LRMDA: variants seen among roughly 807,000 people sequenced by gnomAD.
The protein encoded by LRMDA is leucine rich melanocyte differentiation associated.
LRMDA carries 18 observed loss-of-function variants against 29.8 expected under a neutral mutation model. The ratio of observed to expected loss-of-function variants is 0.60; its 90% CI spans 0.42 to 0.90. LRMDA has a LOEUF of 0.90. Among genes scored for constraint, LRMDA ranks in the 40% least tolerant of loss-of-function variants. LRMDA has a pLI of 0.00. For synonymous variants in LRMDA, 125 were observed against 109.4 expected (o/e 1.14, Z -0.89); for missense variants, 273 against 273.9 (o/e 1.00, Z 0.02).
intron 5 of LRMDA, among the ~76,000 whole-genome samples, chr10:76,224,630 T>C (rs1851916139): frequency 6.7e-6 from 1 of 150,078 alleles, no homozygotes; most frequent in Non-Finnish European, 1.5e-5. Flanking sequence ...AGCTGGTCAG[T>C]ATTCTACAGA....
intron 6 of LRMDA, among the ~76,000 whole-genome samples, chr10:76,475,249 A>T (rs899452451): frequency 6.6e-6 from 1 of 151,820 alleles, no homozygotes; most frequent in Admixed American, 6.6e-5. Flanking sequence ...AAATGTTTTC[A>T]GATTGTGGTG....
chr10:76,369,018 G>A (rs1333892209), intron 6 of LRMDA, among the ~76,000 whole-genome samples: 2 of 152,140 alleles, frequency 1.3e-5, no homozygotes, highest in African/African-American at 2.4e-5. Context: ...GTCTCCTGAA[G>A]GCAGCAGATA....
At chr10:76,222,969 A>T (rs576567079) in intron 5 of LRMDA, among the ~76,000 whole-genome samples, 1 of 152,196 alleles carries the variant, frequency 6.6e-6, no homozygotes. Context: ...CTTTGTAGGG[A>T]CATAGATGAA....
At chr10:76,522,331 G>A (rs1843129652) in intron 6 of LRMDA, among the ~76,000 whole-genome samples, 1 of 152,098 alleles carries the variant, frequency 6.6e-6, no homozygotes, top group Admixed American at 6.5e-5. Context: ...GCCTCCACAG[G>A]AAAGCAAAAG....
rs16932646 is a variant in LRMDA at position 75,813,596 on chromosome 10, C to T, written c.132-222412C>T. Among the ~76,000 whole-genome samples the T allele has an allele frequency of 5.6e-3, 847 of 152,160 alleles. 10 individuals are homozygous for T. Among genetic ancestry groups the T allele is most frequent in the African/African-American group, 0.02 (811 of 41,498 alleles). On this transcript the variant is annotated intron_variant, in intron 2 of 6. Transcript: ENST00000611255. ...AGAGAGAGTGATGCTCTTTGGACGA[C>T]GTGGGACAGATACGCGTTACTCCAC...
chr10:75,943,184 C>G (rs1846424096), intron 2 of LRMDA, among the ~76,000 whole-genome samples: 3 of 148,994 alleles, frequency 2.0e-5, no homozygotes, highest in Non-Finnish European at 4.4e-5. Flanking sequence ...AAAAAAAGGA[C>G]TATGAGATAG....
chr10:76,357,136 T>C (rs1400688998), intron 6 of LRMDA, among the ~76,000 whole-genome samples: 1 of 152,212 alleles, frequency 6.6e-6, no homozygotes, highest in Non-Finnish European at 1.5e-5. Flanking sequence ...CCTGCTCCTC[T>C]GTGAAGCCAT....
intron 2 of LRMDA, among the ~76,000 whole-genome samples, chr10:75,688,822 G>A (rs1319613576): frequency 6.6e-6 from 1 of 152,178 alleles, no homozygotes; most frequent in African/African-American, 2.4e-5. Flanking sequence ...TCAGTCAGCA[G>A]CCATCAACAC....
intron 2 of LRMDA, among the ~76,000 whole-genome samples, chr10:75,838,548 T>C (rs952714662): frequency 2.6e-5 from 4 of 152,090 alleles, no homozygotes; most frequent in Non-Finnish European, 4.4e-5. Context: ...AGACTGTGAG[T>C]TCAGGTTTTT....
intron 2 of LRMDA, among the ~76,000 whole-genome samples, chr10:75,518,968 A>T (rs1158082080): frequency 6.6e-6 from 1 of 152,192 alleles, no homozygotes; most frequent in Non-Finnish European, 1.5e-5. Flanking sequence ...TTTACCCAGT[A>T]GTCATTCAGG....
intron 5 of LRMDA, among the ~76,000 whole-genome samples, chr10:76,198,804 C>T (rs1851376849): frequency 6.6e-6 from 1 of 152,112 alleles, no homozygotes; most frequent in Non-Finnish European, 1.5e-5. Flanking sequence ...GAGTGTATTT[C>T]TTTAAAGTGA....
chr10:75,605,235 T>A lies in LRMDA; in HGVS notation c.131+166741T>A, dbSNP rs74147134. ...TCTCCAAGTTTGATTATGAGTGGCT[T>A]CTTTATGAGAGTCCTTTCTTCCTGA... On this transcript the variant is annotated intron_variant, in intron 2 of 6. Transcript: ENST00000611255. 2.6e-3 allele frequency among the ~76,000 whole-genome samples: 396 copies of A among 152,334 alleles called. 4 individuals are homozygous for A. In the South Asian group the frequency reaches 0.03, roughly 12 times the overall value.
At chr10:75,690,674 T>C (rs1842133565) in intron 2 of LRMDA, among the ~76,000 whole-genome samples, 1 of 151,952 alleles carries the variant, frequency 6.6e-6, no homozygotes, top group Non-Finnish European at 1.5e-5. Flanking sequence ...ATATATCTTT[T>C]TGGCTGAACA....
intron 2 of LRMDA, among the ~76,000 whole-genome samples, chr10:76,014,271 A>G (rs1266621435): frequency 6.6e-6 from 1 of 151,016 alleles, no homozygotes; most frequent in Non-Finnish European, 1.5e-5. Flanking sequence ...AAATCCTAAT[A>G]TATTTACTAT....
chr10:75,547,653 T>C (rs964091703), intron 2 of LRMDA, among the ~76,000 whole-genome samples: 10 of 152,214 alleles, frequency 6.6e-5, no homozygotes, highest in African/African-American at 2.4e-4. Context: ...TCAAGCCACA[T>C]GTGTTTATGG....
chr10:75,797,085 C>T (rs1005218677), intron 2 of LRMDA, among the ~76,000 whole-genome samples: 1 of 151,960 alleles, frequency 6.6e-6, no homozygotes. Flanking sequence ...ACCAATGAAA[C>T]CCTTTGGGCC....
intron 2 of LRMDA, among the ~76,000 whole-genome samples, chr10:75,774,285 A>AG (rs1327081521): frequency 7.2e-4 from 110 of 152,188 alleles, no homozygotes; most frequent in African/African-American, 2.6e-3. Context: ...GTTTCTCTTA[A>AG]TGTCATTTTG....
At chr10:75,715,048 C>T (rs1048428437) in intron 2 of LRMDA, among the ~76,000 whole-genome samples, 11 of 152,118 alleles carry the variant, frequency 7.2e-5, no homozygotes, top group Admixed American at 6.5e-4. Context: ...CGTTTGTCAG[C>T]GTATCTCATG....
At chr10:75,733,768 T>C (rs1477418430) in intron 2 of LRMDA, among the ~76,000 whole-genome samples, 1 of 152,208 alleles carries the variant, frequency 6.6e-6, no homozygotes. Context: ...ACACATCTTT[T>C]AAGGTCTTGT....
Sources: allele counts gnomAD v4.1 joint callset (sites outside exome capture counted in the v4.1 genomes callset), GRCh38; gene constraint gnomAD v4.1.1; transcripts MANE v1.5; gene names NCBI Gene and HGNC (gene_info 2026-07-23, HGNC 2026-07-21).